The following MAP3K20 variants were observed in gnomAD, a reference collection of about 807,000 sequenced individuals.
MAP3K20 encodes HCCS-4.
In MAP3K20, 40 loss-of-function variants were observed where a neutral mutation model predicts 85.7. The observed-to-expected ratio is 0.47, with a 90% CI of 0.36 to 0.61. The LOEUF (loss-of-function observed/expected upper bound fraction) is 0.61, where lower values mean the gene tolerates loss of function less well. Among genes scored for constraint, MAP3K20 ranks in the 20% least tolerant of loss-of-function variants. The probability of loss-of-function intolerance (pLI) is 0.00; values close to 1 mark genes in which losing one functional copy is unlikely to be tolerated. For missense variants in MAP3K20, 817 were observed against 961.7 expected, an observed-to-expected ratio of 0.85 and a Z score of 1.99; for synonymous variants, 325 against 327.7, an observed-to-expected ratio of 0.99 and a Z score of 0.09.
intron 2 of MAP3K20, among the ~76,000 whole-genome samples, chr2:173,134,757 T>C (rs1688752087): frequency 6.6e-6 from 1 of 152,068 alleles, no homozygotes; most frequent in Non-Finnish European, 1.5e-5. Context: ...ACAGAGCCCT[T>C]TCCATCCTTA....
intron 2 of MAP3K20, among the ~76,000 whole-genome samples, chr2:173,115,301 T>C (rs746362356): frequency 3.3e-5 from 5 of 152,210 alleles, no homozygotes; most frequent in Non-Finnish European, 7.3e-5. Context: ...TGAATATTTC[T>C]CCCTTCACTT....
intron 17 of MAP3K20, among the ~76,000 whole-genome samples, chr2:173,259,071 T>C (rs577891109): frequency 1.4e-4 from 22 of 152,298 alleles, no homozygotes; most frequent in African/African-American, 5.3e-4. Flanking sequence ...TTTTTGTCTA[T>C]TATTTCTTTA....
At chr2:173,262,744 T>C (rs774790022) in intron 18 of MAP3K20, among the ~76,000 whole-genome samples, 5 of 152,104 alleles carry the variant, frequency 3.3e-5, no homozygotes, top group Non-Finnish European at 7.4e-5. Context: ...ATCTGAGAAG[T>C]TATATTACTT....
chr2:173,224,207 G>A, intron 11 of MAP3K20: 4 of 965,342 alleles, frequency 4.1e-6, no homozygotes, highest in Non-Finnish European at 4.9e-6. Context: ...GTCAGGAAAG[G>A]CCCCACTGAT....
chr2:173,213,827 GTTA>G (rs1395440804), intron 10 of MAP3K20, among the ~76,000 whole-genome samples: 5 of 152,148 alleles, frequency 3.3e-5, no homozygotes, highest in African/African-American at 9.7e-5. Context: ...ATCATTTTAG[GTTA>G]TTAAGGTGTC....
intron 4 of MAP3K20, among the ~76,000 whole-genome samples, chr2:173,186,260 C>A (rs3769173): frequency 0.75 from 114,472 of 151,928 alleles, 43,429 homozygotes; most frequent in East Asian, 0.86. Flanking sequence ...AAAAATTATT[C>A]AGGAATTTGA....
chr2:173,144,514 GAAA>G (rs1240240300), intron 2 of MAP3K20, among the ~76,000 whole-genome samples: 1 of 141,906 alleles, frequency 7.0e-6, no homozygotes, highest in Non-Finnish European at 1.5e-5. Context: ...GAAGAGAAAA[GAAA>G]AAAAAGAGAA....
intron 2 of MAP3K20, among the ~76,000 whole-genome samples, chr2:173,143,304 T>C (rs1397532931): frequency 6.6e-6 from 1 of 152,144 alleles, no homozygotes; most frequent in Non-Finnish European, 1.5e-5. Flanking sequence ...CAATCATAAA[T>C]GAATATTTAT....
chr2:173,259,547 A>G (rs1685238485), intron 17 of MAP3K20, among the ~76,000 whole-genome samples: 1 of 152,218 alleles, frequency 6.6e-6, no homozygotes, highest in African/African-American at 2.4e-5. Flanking sequence ...ACTGTAATAC[A>G]CTATTCACCA....
chr2:173,191,902 G>A (rs1690662393), intron 7 of MAP3K20, among the ~76,000 whole-genome samples: 1 of 152,218 alleles, frequency 6.6e-6, no homozygotes, highest in Non-Finnish European at 1.5e-5. Flanking sequence ...CTGAGGAATA[G>A]GTTATACCTG....
Position 173,190,940 on chromosome 2 carries a change from T to A in MAP3K20, c.444+17T>A, listed in dbSNP as rs1690630141. 1.9e-6 allele frequency: 3 copies of A among 1,605,968 alleles called. No individual in the cohort carries two copies. The Admixed American group carries it at 5.1e-5, about 27-fold the overall frequency. On this transcript the variant is annotated intron_variant, in intron 6 of 19. Transcript: ENST00000375213. ...GTATTGAAGGTAGGACTATTTCTTTTACTTAAAAAAATTGTTAATTTCAGA... is the reference window on the plus strand; with the variant it reads ...GTATTGAAGGTAGGACTATTTCTTTAACTTAAAAAAATTGTTAATTTCAGA...
chr2:173,191,725 G>C (rs1221664464), intron 7 of MAP3K20, among the ~76,000 whole-genome samples: 1 of 152,214 alleles, frequency 6.6e-6, no homozygotes, highest in Non-Finnish European at 1.5e-5. Flanking sequence ...TCTTAGAGTA[G>C]CAGTGACTAT....
At chr2:173,117,083 T>C (rs6727361) in intron 2 of MAP3K20, among the ~76,000 whole-genome samples, 5,338 of 152,314 alleles carry the variant, frequency 0.035, 339 homozygotes, top group African/African-American at 0.12. Context: ...TTCTGTTTTA[T>C]CATTTTATGT....
At chr2:173,160,345 T>G (rs887708257) in intron 2 of MAP3K20, 1 of 152,208 alleles carries the variant, frequency 6.6e-6, no homozygotes, top group Non-Finnish European at 1.5e-5. Context: ...CCAAGCCTGC[T>G]TTTAAAGTTG....
chr2:173,173,175 T>C (rs1403799454), intron 3 of MAP3K20, among the ~76,000 whole-genome samples: 3 of 131,290 alleles, frequency 2.3e-5, no homozygotes, highest in African/African-American at 5.0e-5. Context: ...TGTGTGTGTG[T>C]GTGTGTGTGT....
intron 16 of MAP3K20, among the ~76,000 whole-genome samples, chr2:173,242,699 CTTTTTTTTTTTTTT>C (rs68173816): frequency 1.2e-5 from 1 of 80,976 alleles, no homozygotes; most frequent in Admixed American, 1.7e-4. Flanking sequence ...AGTAATCTTT[CTTTTTTTTTTTTTT>C]TTTTTTTTTT....
intron 1 of MAP3K20, among the ~76,000 whole-genome samples, chr2:173,089,614 G>A (rs755925119): frequency 2.0e-5 from 3 of 150,308 alleles, no homozygotes; most frequent in Non-Finnish European, 3.0e-5. Context: ...ATGGAGTCTC[G>A]CTCTGTTGCC....
chr2:173,106,621 G>T (rs1301571688), intron 2 of MAP3K20, among the ~76,000 whole-genome samples: 5 of 152,170 alleles, frequency 3.3e-5, no homozygotes, highest in African/African-American at 9.7e-5. Flanking sequence ...ATTTCTTCAG[G>T]GTTGTGGTTT....
intron 2 of MAP3K20, among the ~76,000 whole-genome samples, chr2:173,136,018 T>C (rs1191615031): frequency 6.6e-6 from 1 of 152,258 alleles, no homozygotes; most frequent in Non-Finnish European, 1.5e-5. Flanking sequence ...CTTTTTAGTT[T>C]AGATATTCAT....
Sources: gnomAD v4.1 joint callset for allele counts (sites outside exome capture counted in the v4.1 genomes callset) on GRCh38, gnomAD v4.1.1 for gene constraint, MANE v1.5 for transcripts, NCBI Gene and HGNC (gene_info 2026-07-23, HGNC 2026-07-21) for gene names.